The following ATAD2B variants were observed in gnomAD, a reference collection of about 807,000 sequenced individuals.
ATAD2B encodes ATPase family AAA domain containing 2B.
ATAD2B carries 40 observed loss-of-function variants against 167.6 expected under a neutral mutation model. The observed-to-expected ratio is 0.24, with a 90% confidence interval of 0.19 to 0.31. The LOEUF (loss-of-function observed/expected upper bound fraction) is 0.31. ATAD2B is among the 10% of genes least tolerant of loss of function. The probability of loss-of-function intolerance (pLI) is 1.00; values close to 1 mark genes in which losing one functional copy is unlikely to be tolerated. For synonymous variants in ATAD2B, 579 were observed against 596.5 expected (o/e 0.97, Z 0.43); for missense variants, 1,242 against 1,757.2 (o/e 0.71, Z 5.24).
intron 7 of ATAD2B, among the ~76,000 whole-genome samples, chr2:23,880,177 A>G (rs1697659036): frequency 6.6e-6 from 1 of 152,196 alleles, no homozygotes; most frequent in Non-Finnish European, 1.5e-5. Flanking sequence ...ATTAAACACA[A>G]GCTTCTATAA....
chr2:23,697,094 C>T, the ATAD2B span: 1 of 152,174 alleles, frequency 6.6e-6, no homozygotes, highest in Non-Finnish European at 1.5e-5. Context: ...TTCTTGCCAA[C>T]CCTCTAGAAC....
chr2:23,926,578 C>T lies in ATAD2B; in HGVS notation c.193G>A (p.Gly65Ser). The T allele has an allele frequency of 6.4e-7, 1 of 1,555,078 alleles. No individual in the cohort carries two copies. The highest frequency in any genetic ancestry group is 8.7e-7 in the Non-Finnish European group (1 of 1,151,106). ...AAKAGGSGGA[G>S]VTLDEARKVE... is the part of the protein sequence containing the mutation. ...ACCCTGGCCTCATCCAGAGTGACGC[C>T]GGCGCCACCGCTTCCCCCGGCTTTG... The change falls in exon 1 of 28, where the codon GGC (glycine) becomes AGC (serine). Residue 65 changes from glycine to serine, a missense_variant. Gly to Ser is a moderately conservative substitution (Grantham distance 56, BLOSUM62 0). Around this residue, in one of 9 missense-constraint regions of ATAD2B, gnomAD observed 199 missense variants for 194.9 expected, o/e 1.02. Coordinates refer to ENST00000238789, the MANE Select transcript of ATAD2B (RefSeq NM_017552.4).
chr2:23,858,333 C>T (rs1693768838), intron 12 of ATAD2B, among the ~76,000 whole-genome samples: 1 of 151,592 alleles, frequency 6.6e-6, no homozygotes, highest in Non-Finnish European at 1.5e-5. Context: ...GTTGGCCAGG[C>T]TGTTCTCACA....
At chr2:23,802,095 T>G (rs1683595810) in intron 18 of ATAD2B, among the ~76,000 whole-genome samples, 1 of 151,998 alleles carries the variant, frequency 6.6e-6, no homozygotes, top group Non-Finnish European at 1.5e-5. Flanking sequence ...GGAAACAAAT[T>G]TGTGTCATCA....
intron 1 of ATAD2B, among the ~76,000 whole-genome samples, chr2:23,906,673 A>C (rs1345723038): frequency 6.6e-6 from 1 of 152,056 alleles, no homozygotes; most frequent in African/African-American, 2.4e-5. Flanking sequence ...AAAAACGAGA[A>C]TTTTAGACCA....
At chr2:23,729,586 C>T in the ATAD2B span, among the ~76,000 whole-genome samples, 3 of 152,044 alleles carry the variant, frequency 2.0e-5, no homozygotes, top group Non-Finnish European at 1.5e-5. Context: ...AGATGTTACC[C>T]CATTCTAGAA....
chr2:23,778,128 GA>G (rs147393169), intron 22 of ATAD2B, among the ~76,000 whole-genome samples: 1 of 142,752 alleles, frequency 7.0e-6, no homozygotes. Context: ...CTGTTGCTAA[GA>G]AAAAAAAAAG....
intron 18 of ATAD2B, among the ~76,000 whole-genome samples, chr2:23,805,416 A>G (rs539011432): frequency 6.6e-6 from 1 of 152,308 alleles, no homozygotes; most frequent in African/African-American, 2.4e-5. Flanking sequence ...TATCTCATTC[A>G]TGTTAATGGC....
chr2:23,699,935 C>T, the ATAD2B span, among the ~76,000 whole-genome samples: 3 of 152,368 alleles, frequency 2.0e-5, no homozygotes, highest in Admixed American at 2.0e-4. Flanking sequence ...AACTCTGACT[C>T]CTGCTTCACA....
chr2:23,745,413 G>GAAGGAAGGAAGGAAGA (rs1157323621), downstream of ATAD2B, among the ~76,000 whole-genome samples: 2 of 100,754 alleles, frequency 2.0e-5, no homozygotes, highest in Non-Finnish European at 4.5e-5. Context: ...AGGAAGGAAG[G>GAAGGAAGGAAGGAAGA]AAGGAAGGAA....
At chr2:23,752,749 C>CA (rs995836873) in intron 27 of ATAD2B, among the ~76,000 whole-genome samples, 1 of 151,950 alleles carries the variant, frequency 6.6e-6, no homozygotes, top group African/African-American at 2.4e-5. Flanking sequence ...AAACTTATGC[C>CA]AAAAAGCAGA....
At chr2:23,801,646 A>G (rs1683515491) in intron 18 of ATAD2B, among the ~76,000 whole-genome samples, 1 of 152,090 alleles carries the variant, frequency 6.6e-6, no homozygotes, top group Non-Finnish European at 1.5e-5. Context: ...TTACAACATT[A>G]TACTCCATTT....
At chr2:23,728,747 C>A in the ATAD2B span, among the ~76,000 whole-genome samples, 1 of 152,024 alleles carries the variant, frequency 6.6e-6, no homozygotes, top group Non-Finnish European at 1.5e-5. Flanking sequence ...TCTTATTTAG[C>A]TACTTCATAT....
chr2:23,888,289 A>T, intron 3 of ATAD2B, 61 bp downstream of exon 3: 1 of 1,185,452 alleles, frequency 8.4e-7, no homozygotes, highest in South Asian at 1.4e-5. Flanking sequence ...TCCCCACTTT[A>T]CTGCTTTCTC....
chr2:23,722,191 G>GA, the ATAD2B span, among the ~76,000 whole-genome samples: 3 of 152,162 alleles, frequency 2.0e-5, no homozygotes, highest in South Asian at 6.2e-4. Flanking sequence ...CATCAACGAT[G>GA]AAAATGCAAG....
chr2:23,680,780 C>A, the ATAD2B span, among the ~76,000 whole-genome samples: 1 of 151,756 alleles, frequency 6.6e-6, no homozygotes, highest in Non-Finnish European at 1.5e-5. This position sits in a 1 kb window ranked among gnomAD's most constrained non-coding sequence, Gnocchi z 4.1. Context: ...TCTAGGCCAT[C>A]TTCTCCTGGG....
intron 13 of ATAD2B, among the ~76,000 whole-genome samples, chr2:23,840,643 C>T (rs1690733477): frequency 6.6e-6 from 1 of 152,134 alleles, no homozygotes; most frequent in African/African-American, 2.4e-5. Context: ...GATCAATTTT[C>T]ATAAATATGG....
At chr2:23,723,251 C>A in the ATAD2B span, among the ~76,000 whole-genome samples, 1 of 151,902 alleles carries the variant, frequency 6.6e-6, no homozygotes, top group African/African-American at 2.4e-5. Context: ...TATGATTGCA[C>A]CACTGCATTC....
chr2:23,776,420 A>C (rs1170949427), intron 22 of ATAD2B, among the ~76,000 whole-genome samples: 1 of 152,208 alleles, frequency 6.6e-6, no homozygotes, highest in Non-Finnish European at 1.5e-5. Context: ...CAAATTTGAT[A>C]CTAAGAGGTC....
Sources: gnomAD v4.1 joint callset for allele counts (sites outside exome capture counted in the v4.1 genomes callset) on GRCh38, gnomAD v4.1.1 for gene constraint, gnomAD v4.1.1 regional missense constraint, Gnocchi (gnomAD v3.1) non-coding constraint, MANE v1.5 for transcripts, NCBI Gene and HGNC (gene_info 2026-07-23, HGNC 2026-07-21) for gene names.